STK24: variants seen among roughly 807,000 people sequenced by gnomAD.
STK24 encodes the protein serine/threonine kinase 24.
STK24 carries 21 observed loss-of-function variants against 55.6 expected under a neutral mutation model. That is an observed-to-expected ratio of 0.38 (90% confidence interval 0.27 to 0.54). The LOEUF is 0.54. Ranked by LOEUF, STK24 falls within the 20% of genes least tolerant of loss-of-function variation. The probability of loss-of-function intolerance (pLI) is 0.79; values close to 1 mark genes in which losing one functional copy is unlikely to be tolerated. For synonymous variants in STK24, 200 were observed against 215.2 expected, an observed-to-expected ratio of 0.93 and a Z score of 0.62; for missense variants, 383 against 538.4, an observed-to-expected ratio of 0.71 and a Z score of 2.86.
rs1435225866 is a variant in STK24, at chr13:98,500,527, T to G, written c.274-18206A>C. ...TGTAACAGAAACCTGCTAAACCTGA[T>G]GCGTCCAAACTCATGAGACCAGGTG... On this transcript the variant is annotated intron_variant, in intron 2 of 10. Coordinates refer to ENST00000539966, the MANE Select transcript of STK24 (RefSeq NM_001032296.4). Among the ~76,000 whole-genome samples, 5 of 152,330 alleles carry G rather than the reference T, an allele frequency of 3.3e-5. No individual in the cohort carries two copies. The South Asian group carries it at 1.0e-3, about 32-fold the overall frequency.
At chr13:98,537,684 G>A (rs781450463) in intron 1 of STK24, among the ~76,000 whole-genome samples, 3 of 152,128 alleles carry the variant, frequency 2.0e-5, no homozygotes, top group Non-Finnish European at 4.4e-5. Flanking sequence ...AGGAGGTGGC[G>A]ATCTTTATAG....
At chr13:98,500,593 C>T (rs1278850986) in intron 2 of STK24, among the ~76,000 whole-genome samples, 3 of 151,912 alleles carry the variant, frequency 2.0e-5, no homozygotes, top group East Asian at 1.9e-4. Context: ...CCTATGGAAA[C>T]GCTACCTTAG....
chr13:98,501,501 C>T (rs9300482), intron 2 of STK24, among the ~76,000 whole-genome samples: 1 of 151,926 alleles, frequency 6.6e-6, no homozygotes, highest in African/African-American at 2.4e-5. Context: ...TTTCCCCAGC[C>T]CCCCCAGTTT....
rs748268963 is a variant in STK24 at position 98,446,840 on chromosome 13, C to A, written c.*6333G>T. 3 of 1,612,630 alleles carry A rather than the reference C, an allele frequency of 1.9e-6. No homozygotes were observed. The highest frequency in any genetic ancestry group is 1.7e-5 in the Admixed American group (1 of 59,950). ...AAGGTAGACACCCCCTTCCCACGCACAGGGCCCTGCAGAAGAGGACCCCCT... is the reference window on the plus strand; with the variant it reads ...AAGGTAGACACCCCCTTCCCACGCAAAGGGCCCTGCAGAAGAGGACCCCCT... On this transcript the variant is annotated 3_prime_UTR_variant, in exon 11 of 11. Coordinates refer to ENST00000539966, the MANE Select transcript of STK24 (RefSeq NM_001032296.4).
chr13:98,488,160 GACACACACAC>G (rs71213678), intron 2 of STK24, among the ~76,000 whole-genome samples: 5,515 of 130,386 alleles, frequency 0.042, 148 homozygotes, highest in Non-Finnish European at 0.054. Flanking sequence ...AAGAGATGAA[GACACACACAC>G]ACACACACAC....
chr13:98,487,370 G>A (rs1206332871), intron 2 of STK24, among the ~76,000 whole-genome samples: 1 of 152,084 alleles, frequency 6.6e-6, no homozygotes, highest in Non-Finnish European at 1.5e-5. Flanking sequence ...GAATGACCTC[G>A]TGATACAATT....
At chr13:98,472,304 C>CA (rs1441182105) in intron 5 of STK24, among the ~76,000 whole-genome samples, 1 of 152,210 alleles carries the variant, frequency 6.6e-6, no homozygotes, top group African/African-American at 2.4e-5. Flanking sequence ...TTCACATCAA[C>CA]ATAAGAGTTT....
chr13:98,458,381 C>T (rs1485139311), intron 9 of STK24, among the ~76,000 whole-genome samples: 1 of 152,208 alleles, frequency 6.6e-6, no homozygotes, highest in Admixed American at 6.5e-5. Context: ...GCTTGGTTTT[C>T]AGGTTGTTGA....
Position 98,448,167 on chromosome 13 carries a change from C to G in STK24, c.*5006G>C. 1 of 1,319,228 alleles carries G rather than the reference C, an allele frequency of 7.6e-7. No individual in the cohort carries two copies. Among genetic ancestry groups the G allele is most frequent in the East Asian group, 2.3e-5 (1 of 43,470 alleles). The allele number at this position is 1,319,228 out of a possible 1,614,324, so 81.7% of individuals were successfully genotyped here. A position where few individuals can be genotyped will look rare whatever the true frequency, so the allele number is the denominator to read the frequency against. On this transcript the variant is annotated 3_prime_UTR_variant, in exon 11 of 11. Transcript: ENST00000539966. ...TGACTTCACCTTGTGTTTCTGTAAG[C>G]GATGCCCACCAAAGTGTCAGGAGTC...
chr13:98,512,583 T>C (rs980146803), intron 2 of STK24, among the ~76,000 whole-genome samples: 6 of 152,074 alleles, frequency 3.9e-5, no homozygotes, highest in Non-Finnish European at 7.4e-5. Flanking sequence ...TTTTTTTTTT[T>C]TTTTTTAAAA....
rs1239414154 is a variant in STK24 at position 98,450,505 on chromosome 13, C to A, written c.*2668G>T. 6.6e-6 allele frequency: 1 copy of A among 152,278 alleles called. No individual in the cohort carries two copies. The highest frequency in any genetic ancestry group is 2.4e-5 in the African/African-American group (1 of 41,464). 9.4% of individuals were successfully genotyped at this position (152,278 alleles called of 1,614,324 possible). On this transcript the variant is annotated 3_prime_UTR_variant, in exon 11 of 11. Transcript: ENST00000539966. ...AACCCAGCAAGAAGTGGCCAGTGCA[C>A]CCCAAACCACACTGGTGTCCACCTC... is the stretch of plus-strand genomic sequence containing the variant.
chr13:98,571,425 A>G (rs1202317523), intron 1 of STK24, among the ~76,000 whole-genome samples: 1 of 152,040 alleles, frequency 6.6e-6, no homozygotes, highest in Non-Finnish European at 1.5e-5. Context: ...AGAAAATCTC[A>G]TCTGACCAAT....
At chr13:98,469,244 G>GC (rs1894043864) in intron 5 of STK24, among the ~76,000 whole-genome samples, 1 of 152,194 alleles carries the variant, frequency 6.6e-6, no homozygotes, top group Admixed American at 6.5e-5. Flanking sequence ...AGCCAGTACA[G>GC]CACCATCAAG....
At chr13:98,526,584 T>A (rs1896436404) in intron 1 of STK24, among the ~76,000 whole-genome samples, 1 of 152,206 alleles carries the variant, frequency 6.6e-6, no homozygotes, top group Non-Finnish European at 1.5e-5. Flanking sequence ...TGGGACCATG[T>A]CATTAGAAAC....
rs1893232343 is a variant in STK24, at chr13:98,452,208, G to A, written c.*965C>T. 1 of 152,134 alleles carries A rather than the reference G, an allele frequency of 6.6e-6. No individual in the cohort carries two copies. The highest frequency in any genetic ancestry group is 2.4e-5 in the African/African-American group (1 of 41,416). The allele number at this position is 152,134 out of a possible 1,614,324, so 9.4% of individuals were successfully genotyped here. A position where few individuals can be genotyped will look rare whatever the true frequency, so the allele number is the denominator to read the frequency against. On this transcript the variant is annotated 3_prime_UTR_variant, in exon 11 of 11. Transcript: ENST00000539966. ...TGTAAGCATTCAGACATTTTTAGGT[G>A]GGAAAGATGATATGCAGAATCCACT...
chr13:98,545,843 A>ATT (rs1897016468), intron 1 of STK24, among the ~76,000 whole-genome samples: 2 of 152,184 alleles, frequency 1.3e-5, no homozygotes, highest in African/African-American at 4.8e-5. Flanking sequence ...TTACTGCATG[A>ATT]CTTTTAAACA....
intron 2 of STK24, among the ~76,000 whole-genome samples, chr13:98,513,620 G>A (rs1895959123): frequency 6.6e-6 from 1 of 152,216 alleles, no homozygotes; most frequent in Non-Finnish European, 1.5e-5. Context: ...CTGCACAAGA[G>A]TTTCTCCATA....
chr13:98,469,337 C>T (rs1342468720), intron 5 of STK24, among the ~76,000 whole-genome samples: 4 of 152,144 alleles, frequency 2.6e-5, no homozygotes, highest in Admixed American at 2.6e-4. Context: ...TCACTTGAAG[C>T]CAGGAGTTCG....
chr13:98,457,399 G>T, intron 9 of STK24, 95 bp from the exon 10 acceptor site: 2 of 1,560,198 alleles, frequency 1.3e-6, no homozygotes, highest in Non-Finnish European at 1.7e-6. Flanking sequence ...TGTGGACCAC[G>T]ACACTACCCC....
Sources: allele counts gnomAD v4.1 joint callset (sites outside exome capture counted in the v4.1 genomes callset), GRCh38; gene constraint gnomAD v4.1.1; transcripts MANE v1.5; gene names NCBI Gene and HGNC (gene_info 2026-07-23, HGNC 2026-07-21).